PACRG: variants seen among roughly 807,000 people sequenced by gnomAD.
The protein encoded by PACRG is parkin coregulated gene protein.
Under a neutral mutation model 29.7 loss-of-function variants are expected in PACRG, and 29 were observed. That is an observed-to-expected ratio of 0.98 (90% CI 0.73 to 1.33). The LOEUF (loss-of-function observed/expected upper bound fraction) is 1.33, where lower values mean the gene tolerates loss of function less well. Among genes scored for constraint, PACRG ranks in the 40% most tolerant of loss-of-function variants. The pLI, the probability that PACRG is intolerant of heterozygous loss-of-function variation, is 0.00. For synonymous variants in PACRG, 116 were observed against 118.7 expected (o/e 0.98, Z 0.15); for missense variants, 279 against 316.2 (o/e 0.88, Z 0.89).
chr6:162,966,635 C>T (rs1215694827), intron 2 of PACRG, among the ~76,000 whole-genome samples: 2 of 151,972 alleles, frequency 1.3e-5, no homozygotes, highest in Non-Finnish European at 2.9e-5. Context: ...CTCCACCATG[C>T]CCGGCTAATT....
At chr6:163,175,179 C>T (rs950356109) in intron 4 of PACRG, among the ~76,000 whole-genome samples, 7 of 152,166 alleles carry the variant, frequency 4.6e-5, no homozygotes, top group African/African-American at 9.7e-5. Flanking sequence ...GGGAACTGGA[C>T]TAGTATTTTC....
At chr6:163,046,774 A>G (rs2128242775) in intron 2 of PACRG, 1 of 152,278 alleles carries the variant, frequency 6.6e-6, no homozygotes, top group Admixed American at 6.5e-5. Context: ...TCTCTCCCTA[A>G]CATTTAGCAC....
chr6:162,746,954 C>G (rs1041527947), intron 1 of PACRG, among the ~76,000 whole-genome samples: 2 of 152,090 alleles, frequency 1.3e-5, no homozygotes, highest in African/African-American at 4.8e-5. Context: ...ACACTTGATA[C>G]TGCAACAAAT....
intron 2 of PACRG, among the ~76,000 whole-genome samples, chr6:162,898,817 A>T (rs1483761535): frequency 6.6e-6 from 1 of 152,242 alleles, no homozygotes; most frequent in Non-Finnish European, 1.5e-5. Flanking sequence ...TGAACTAAAA[A>T]TTGTGATTAA....
At chr6:162,820,907 G>A (rs910449420) in intron 2 of PACRG, among the ~76,000 whole-genome samples, 13 of 151,948 alleles carry the variant, frequency 8.6e-5, no homozygotes, top group African/African-American at 2.2e-4. Flanking sequence ...GATCTGCCAC[G>A]TTCCCACAAT....
intron 2 of PACRG, among the ~76,000 whole-genome samples, chr6:162,967,510 T>A (rs977582029): frequency 1.4e-5 from 2 of 139,056 alleles, no homozygotes; most frequent in African/African-American, 2.8e-5. Context: ...GAACTTTCTC[T>A]TTTTTTTTTT....
chr6:162,794,468 T>G (rs1382338547), intron 1 of PACRG, among the ~76,000 whole-genome samples: 1 of 152,224 alleles, frequency 6.6e-6, no homozygotes, highest in Non-Finnish European at 1.5e-5. Context: ...TTATCAATTT[T>G]TATACTTTAT....
At chr6:162,997,555 G>A (rs1470585285) in intron 2 of PACRG, 1 of 392,884 alleles carries the variant, frequency 2.5e-6, no homozygotes, top group South Asian at 1.9e-5. Flanking sequence ...GTGGGCCCAA[G>A]GATTCATAAC....
intron 2 of PACRG, among the ~76,000 whole-genome samples, chr6:162,988,324 A>G (rs531861695): frequency 6.6e-6 from 1 of 152,106 alleles, no homozygotes; most frequent in Non-Finnish European, 1.5e-5. Context: ...TAAAGAGGAG[A>G]AGGGTCAATC....
intron 2 of PACRG, among the ~76,000 whole-genome samples, chr6:162,888,399 T>C (rs1794519177): frequency 6.6e-6 from 1 of 152,128 alleles, no homozygotes; most frequent in Non-Finnish European, 1.5e-5. Flanking sequence ...GCCCTCCTCT[T>C]GCATCCGTAG....
chr6:163,266,725 CT>C, intron 4 of PACRG, among the ~76,000 whole-genome samples: 1 of 152,310 alleles, frequency 6.6e-6, no homozygotes, highest in African/African-American at 2.4e-5. Context: ...TGACCCTCAT[CT>C]GACAGATGAG....
At chr6:162,793,880 A>G (rs1347743364) in intron 1 of PACRG, among the ~76,000 whole-genome samples, 1 of 152,206 alleles carries the variant, frequency 6.6e-6, no homozygotes, top group Non-Finnish European at 1.5e-5. Context: ...AGGAAAAATA[A>G]CTAATGGATA....
intron 3 of PACRG, among the ~76,000 whole-genome samples, chr6:163,067,269 G>A (rs1187705338): frequency 6.6e-6 from 1 of 152,206 alleles, no homozygotes; most frequent in Non-Finnish European, 1.5e-5. Flanking sequence ...TGTTGCTGCC[G>A]GGCTGAGGCA....
At chr6:162,760,918 G>C (rs533831521) in intron 1 of PACRG, among the ~76,000 whole-genome samples, 2 of 152,276 alleles carry the variant, frequency 1.3e-5, no homozygotes, top group South Asian at 4.1e-4. Context: ...CTCAGATGAG[G>C]GTTGTCATAG....
intron 2 of PACRG, among the ~76,000 whole-genome samples, chr6:162,987,679 T>C (rs927422944): frequency 1.3e-5 from 2 of 152,176 alleles, no homozygotes; most frequent in African/African-American, 4.8e-5. Flanking sequence ...TCTTTTTCTT[T>C]ATAAATTACC....
At chr6:163,290,271 C>T (rs910350971) in intron 4 of PACRG, among the ~76,000 whole-genome samples, 31 of 100,260 alleles carry the variant, frequency 3.1e-4, no homozygotes, top group East Asian at 5.7e-4. Context: ...CATGCACGCG[C>T]GCGCGCGCAC....
chr6:163,272,567 A>G (rs1340796099), intron 4 of PACRG, among the ~76,000 whole-genome samples: 1 of 152,132 alleles, frequency 6.6e-6, no homozygotes, highest in Admixed American at 6.5e-5. Flanking sequence ...ACTGTTTTCT[A>G]TAGTATAATG....
chr6:163,295,169 G>A (rs1315305944), intron 4 of PACRG, among the ~76,000 whole-genome samples: 4 of 152,154 alleles, frequency 2.6e-5, no homozygotes, highest in South Asian at 2.1e-4. Context: ...TATTGGCAAC[G>A]TTATCTGGTT....
chr6:163,049,225 A>C (rs1422927750), intron 2 of PACRG, among the ~76,000 whole-genome samples: 1 of 152,112 alleles, frequency 6.6e-6, no homozygotes, highest in Non-Finnish European at 1.5e-5. Context: ...AATTTATAAT[A>C]AGGTTAAATC....
Sources: allele counts gnomAD v4.1 joint callset (sites outside exome capture counted in the v4.1 genomes callset), GRCh38; gene constraint gnomAD v4.1.1; transcripts MANE v1.5; gene names NCBI Gene and HGNC (gene_info 2026-07-23, HGNC 2026-07-21).